Variants in FAN1 observed in about 807,000 individuals in gnomAD.
FAN1 encodes fanconi-associated nuclease 1.
A neutral mutation model predicts 104.9 loss-of-function variants in FAN1; 91 were observed. The observed-to-expected ratio is 0.87, with a 90% CI of 0.73 to 1.03. The LOEUF is 1.03. Ranked by LOEUF, FAN1 falls within the 50% of genes least tolerant of loss-of-function variation. The probability of loss-of-function intolerance (pLI) is 0.00; values close to 1 mark genes in which losing one functional copy is unlikely to be tolerated. For synonymous variants in FAN1, 478 were observed against 457.6 expected (o/e 1.04, Z -0.57); for missense variants, 1,263 against 1,239.9 (o/e 1.02, Z -0.28).
chr15:30,940,604 T>C (rs181446448), intron 14 of FAN1: 2 of 985,438 alleles, frequency 2.0e-6, no homozygotes, highest in Admixed American at 1.2e-4. Flanking sequence ...AGTTTTGGCA[T>C]AGATGGCACT....
chr15:30,912,016 C>G (rs530121847), intron 4 of FAN1, among the ~76,000 whole-genome samples: 8 of 149,498 alleles, frequency 5.4e-5, no homozygotes, highest in Non-Finnish European at 1.2e-4. Context: ...GAGCTGAGAT[C>G]GCGCCACTGC....
rs2062686298 is a variant in FAN1, at chr15:30,930,652, C to T, written c.2897C>T (p.Ser966Phe). The T allele has an allele frequency of 6.2e-7, 1 of 1,612,720 alleles. No individual in the cohort carries two copies. Among genetic ancestry groups the T allele is most frequent in the Non-Finnish European group, 8.5e-7 (1 of 1,179,510 alleles). The change falls in exon 13 of 15, where the codon TCC (serine) becomes TTC (phenylalanine). Residue 966 changes from serine to phenylalanine, a missense_variant. Physicochemically the swap from Ser to Phe is radical, Grantham distance 155 (BLOSUM62 -2). Coordinates refer to ENST00000362065, the MANE Select transcript of FAN1 (RefSeq NM_014967.5). ...GGLPDLVVWN[S>F]QSRHFKLVEV... ...CTCCCCGACCTGGTGGTGTGGAACT[C>T]CCAGAGCCGTCACTTTAAGGTCAGT...
Position 30,904,825 on chromosome 15 carries a change from T to A in FAN1, c.162T>A (p.Tyr54Ter), listed in dbSNP as rs1397244647. Residue 54 changes from tyrosine to a stop codon, truncating the protein, a stop_gained, in exon 2 of 15, where the codon TAT becomes TAA. Coordinates refer to ENST00000362065, the MANE Select transcript of FAN1 (RefSeq NM_014967.5). LOFTEE classifies it high-confidence loss of function. ...TTTGCAGTAAAATGGTGCCTAGATA[T>A]GACTTAAACCGGCACCTTGATGAAA... ...CPVCSKMVPR[Y>*]DLNRHLDEMC... 1 of 1,613,462 alleles carries A rather than the reference T, an allele frequency of 6.2e-7. No homozygotes were observed. Among genetic ancestry groups the A allele is most frequent in the Non-Finnish European group, 8.5e-7 (1 of 1,179,418 alleles).
At chr15:30,920,678 C>G (rs542981453) in intron 7 of FAN1, 25 bp downstream of exon 7, 5 of 1,351,556 alleles carry the variant, frequency 3.7e-6, no homozygotes, top group East Asian at 4.6e-5. Context: ...CCCTGCCCCC[C>G]ACCATTACTG....
intron 7 of FAN1, 59 bp from the exon 8 acceptor site, chr15:30,922,176 A>G: frequency 1.9e-6 from 3 of 1,581,998 alleles, no homozygotes; most frequent in Non-Finnish European, 2.6e-6. Context: ...GCTTGTAAAT[A>G]TCATTGCAGC....
At chr15:30,940,566 C>CAGCA in intron 14 of FAN1, 1 of 985,556 alleles carries the variant, frequency 1.0e-6, no homozygotes, top group Non-Finnish European at 1.2e-6. Flanking sequence ...GCACGCCTCC[C>CAGCA]AGCAAGCCTT....
Position 30,928,568 on chromosome 15 carries a change from G to T in FAN1, c.2504G>T (p.Gly835Val). 6.2e-7 allele frequency: 1 copy of T among 1,609,080 alleles called. No individual in the cohort carries two copies. Among genetic ancestry groups the T allele is most frequent in the Non-Finnish European group, 8.5e-7 (1 of 1,178,094 alleles). ...SGFDQGIHGE[G>V]STFSTLYGLL... ...CTTGTCTTAGGGATTCATGGCGAAG[G>T]GTCCACCTTCAGCACCCTGTATGGC... The change falls in exon 11 of 15, where the codon GGG becomes GTG. Residue 835 changes from glycine (G) to valine (V), a missense_variant. Coordinates refer to ENST00000362065, the MANE Select transcript of FAN1 (RefSeq NM_014967.5).
At chr15:30,906,026 G>A in intron 2 of FAN1, 129 bp downstream of exon 2, 1 of 811,462 alleles carries the variant, frequency 1.2e-6, no homozygotes, top group Non-Finnish European at 2.0e-6. Context: ...CCCTGTGGGA[G>A]TGTTCATGGG....
intron 2 of FAN1, 65 bp from the exon 3 acceptor site, chr15:30,908,053 T>A: frequency 7.3e-7 from 1 of 1,371,484 alleles, no homozygotes; most frequent in South Asian, 1.5e-5. Flanking sequence ...AATCGTACAT[T>A]TATTCACCTT....
chr15:30,940,667 C>G (rs565307342), intron 14 of FAN1: 2 of 987,002 alleles, frequency 2.0e-6, no homozygotes, highest in Non-Finnish European at 2.4e-6. Flanking sequence ...AGGCCACTCC[C>G]CAGTGGCTTT....
chr15:30,918,152 AT>A lies in FAN1; in HGVS notation c.1812-8del. 1.2e-6 allele frequency: 2 copies of A among 1,613,658 alleles called. No individual in the cohort carries two copies. Among genetic ancestry groups the A allele is most frequent in the Non-Finnish European group, 1.7e-6 (2 of 1,179,930 alleles). ...CATTCTTATTTGGAACTTGGATGGC[AT>A]TTTCCTCCAGATATGCAGCAGCCAC... On this transcript the variant is annotated splice_polypyrimidine_tract_variant and intron_variant, in intron 5 of 14. Coordinates refer to ENST00000362065, the MANE Select transcript of FAN1 (RefSeq NM_014967.5).
intron 3 of FAN1, among the ~76,000 whole-genome samples, chr15:30,910,149 G>A (rs1481715255): frequency 1.3e-5 from 2 of 152,228 alleles, no homozygotes; most frequent in Non-Finnish European, 2.9e-5. Context: ...CGAATTCCTA[G>A]GCCAAGGTTG....
chr15:30,911,132 T>C (rs886761822), intron 4 of FAN1: 54 of 1,090,770 alleles, frequency 5.0e-5, no homozygotes, highest in Non-Finnish European at 5.9e-5. Context: ...GTAAACTATT[T>C]AGTCAAATTT....
At chr15:30,913,828 A>T in intron 4 of FAN1, 30 bp from the exon 5 acceptor site, 1 of 1,445,856 alleles carries the variant, frequency 6.9e-7, no homozygotes, top group Non-Finnish European at 9.5e-7. Context: ...TAAAAAGCTA[A>T]AAGTTATTTC....
chr15:30,932,800 C>A lies in FAN1; in HGVS notation c.2916+2129C>A, dbSNP rs2140960960. Among the ~76,000 whole-genome samples the A allele has an allele frequency of 1.3e-5, 2 of 151,308 alleles. 1 individual carries two copies. Among genetic ancestry groups the A allele is most frequent in the South Asian group, 4.2e-4 (2 of 4,778 alleles). Reference sequence around the variant, plus strand: ...GTGAGTTAGCTCACTGCAACTTCCGCCTCCTGGGTTCAAGTGATTCTCGTG... The same window carrying A: ...GTGAGTTAGCTCACTGCAACTTCCGACTCCTGGGTTCAAGTGATTCTCGTG... On this transcript the variant is annotated intron_variant, in intron 13 of 14. Transcript: ENST00000362065.
At chr15:30,933,092 A>C (rs1195299556) in intron 13 of FAN1, among the ~76,000 whole-genome samples, 1 of 151,880 alleles carries the variant, frequency 6.6e-6, no homozygotes, top group Non-Finnish European at 1.5e-5. Flanking sequence ...GATATTGGTA[A>C]TTTGTGTCTT....
In FAN1 at chr15:30,929,822, TATC is replaced by T. The variant is rs1228606658; in HGVS notation, c.2787+428_2787+430del. ...AATATATAAAATATATAATATATTA[TATC>T]ATATATAATATAATATATAAAATAT... On this transcript the variant is annotated intron_variant, in intron 12 of 14. Coordinates refer to ENST00000362065, the MANE Select transcript of FAN1 (RefSeq NM_014967.5). Among the ~76,000 whole-genome samples, 9 of 78,414 alleles carry T rather than the reference TATC, an allele frequency of 1.1e-4. 1 individual carries two copies. Among genetic ancestry groups the T allele is most frequent in the Non-Finnish European group, 1.5e-4 (7 of 48,058 alleles). 51.4% of individuals were successfully genotyped at this position (78,414 alleles called of 152,430 possible).
At chr15:30,908,827 G>A (rs1014679781) in intron 3 of FAN1, among the ~76,000 whole-genome samples, 1 of 152,230 alleles carries the variant, frequency 6.6e-6, no homozygotes, top group African/African-American at 2.4e-5. Context: ...GGCAACCAGA[G>A]TGAAACTCTG....
At chr15:30,921,037 G>A (rs2062318196) in intron 7 of FAN1, among the ~76,000 whole-genome samples, 1 of 152,202 alleles carries the variant, frequency 6.6e-6, no homozygotes, top group East Asian at 1.9e-4. Context: ...GCCCACCTTG[G>A]CCTCTGATGC....
Sources: allele counts gnomAD v4.1 joint callset (sites outside exome capture counted in the v4.1 genomes callset), GRCh38; gene constraint gnomAD v4.1.1; transcripts MANE v1.5; gene names NCBI Gene and HGNC (gene_info 2026-07-23, HGNC 2026-07-21).